ANP32B: variants seen among roughly 807,000 people sequenced by gnomAD.
The protein encoded by ANP32B is acidic leucine-rich nuclear phosphoprotein 32 family member B.
A neutral mutation model predicts 32.2 loss-of-function variants in ANP32B; 6 were observed. That is an observed-to-expected ratio of 0.19 (90% CI 0.10 to 0.37). The LOEUF (loss-of-function observed/expected upper bound fraction) is 0.37, where lower values mean the gene tolerates loss of function less well. Ranked by LOEUF, ANP32B falls within the 10% of genes least tolerant of loss-of-function variation. The probability of loss-of-function intolerance (pLI) is 1.00; values close to 1 mark genes in which losing one functional copy is unlikely to be tolerated. For missense variants in ANP32B, 204 were observed against 289.2 expected (o/e 0.71, Z 2.14); for synonymous variants, 98 against 105.8 (o/e 0.93, Z 0.45).
At chr9:97,983,697 G>T in intron 1 of ANP32B, 88 bp downstream of exon 1, 3 of 1,137,276 alleles carry the variant, frequency 2.6e-6, no homozygotes, top group East Asian at 3.2e-5. Flanking sequence ...AGGGTTCGCC[G>T]GCCCCGGCGC....
intron 3 of ANP32B, among the ~76,000 whole-genome samples, chr9:98,004,010 A>G (rs901440573): frequency 2.6e-5 from 4 of 152,178 alleles, no homozygotes; most frequent in African/African-American, 9.7e-5. Context: ...TGACTTGCCT[A>G]TAGTGTAGTA....
intron 1 of ANP32B, among the ~76,000 whole-genome samples, chr9:97,994,211 C>T (rs2131583849): frequency 6.6e-6 from 1 of 152,304 alleles, no homozygotes; most frequent in East Asian, 1.9e-4. Context: ...AAACATAAAG[C>T]TTTCCTCTTT....
rs190446475 is a variant in ANP32B, at chr9:98,014,300, C to T, written c.689-1064C>T. On this transcript the variant is annotated intron_variant, in intron 6 of 6. Coordinates refer to ENST00000339399, the MANE Select transcript of ANP32B (RefSeq NM_006401.3). ...GCAGGCGCCTGTAGTCCCAGCTACTCGGGAGGCTGAGTCAGGAGAACGGCA... is the reference window on the plus strand; with the variant it reads ...GCAGGCGCCTGTAGTCCCAGCTACTTGGGAGGCTGAGTCAGGAGAACGGCA... Among the ~76,000 whole-genome samples the T allele has an allele frequency of 3.2e-3, 485 of 151,212 alleles. 2 individuals carry two copies. Among genetic ancestry groups the T allele is most frequent in the African/African-American group, 0.011 (461 of 41,236 alleles).
At chr9:97,983,711 G>T (rs2131576603) in intron 1 of ANP32B, 102 bp downstream of exon 1, 1 of 954,058 alleles carries the variant, frequency 1.0e-6, no homozygotes, top group Non-Finnish European at 1.5e-6. Context: ...CCGGCGCGGG[G>T]AAGAGCGCAG....
At chr9:97,991,170 T>C (rs1453621611) in intron 1 of ANP32B, among the ~76,000 whole-genome samples, 2 of 150,952 alleles carry the variant, frequency 1.3e-5, no homozygotes, top group African/African-American at 4.9e-5. Flanking sequence ...AGCTGGAGCA[T>C]AGTGGCATGA....
chr9:97,994,689 C>T lies in ANP32B; in HGVS notation c.113C>T (p.Thr38Ile). 2.5e-6 allele frequency: 4 copies of T among 1,612,428 alleles called. No homozygotes were observed. The highest frequency in any genetic ancestry group is 3.4e-6 in the Non-Finnish European group (4 of 1,179,568). Reference protein sequence around the residue: ...KSNDGKIEGLTAEFVNLEFLS... With the variant: ...KSNDGKIEGLIAEFVNLEFLS... ...AATGATGGAAAAATTGAGGGCTTAA[C>T]AGCTGAATTTGTGAACTTAGAGTTC... Residue 38 changes from threonine to isoleucine, a missense_variant, in exon 2 of 7, where the codon ACA (threonine) becomes ATA (isoleucine). By Grantham distance (89) the Thr-to-Ile change is moderately conservative. Transcript: ENST00000339399.
intron 1 of ANP32B, among the ~76,000 whole-genome samples, chr9:97,992,112 A>G (rs1193123671): frequency 2.0e-5 from 3 of 151,884 alleles, no homozygotes; most frequent in Admixed American, 6.6e-5. Flanking sequence ...TCTTTTTGAG[A>G]TGGAGTCTCC....
At chr9:97,987,948 C>T (rs925674885) in intron 1 of ANP32B, among the ~76,000 whole-genome samples, 9 of 151,872 alleles carry the variant, frequency 5.9e-5, no homozygotes, top group African/African-American at 1.5e-4. Flanking sequence ...AATACATCTT[C>T]GTTTAAGAAA....
At chr9:97,999,244 G>C (rs554141901) in intron 3 of ANP32B, among the ~76,000 whole-genome samples, 3 of 152,156 alleles carry the variant, frequency 2.0e-5, no homozygotes, top group Non-Finnish European at 4.4e-5. Context: ...ATTTTTGGGG[G>C]TATTTTGTTT....
Position 97,983,409 on chromosome 9 carries a change from G to GCACGCCGCCCGCCACCCAGGAC in ANP32B, c.-145_-124dup. ...CTCCGGGGGCTCCGCTCGCCTGCCC[G>GCACGCCGCCCGCCACCCAGGAC]CACGCCGCCCGCCACCCAGGACCGC... On this transcript the variant is annotated 5_prime_UTR_variant, in exon 1 of 7. Coordinates refer to ENST00000339399, the MANE Select transcript of ANP32B (RefSeq NM_006401.3). The GCACGCCGCCCGCCACCCAGGAC allele has an allele frequency of 1.6e-6, 1 of 634,464 alleles. No homozygotes were observed. The highest frequency in any genetic ancestry group is 2.7e-6 in the Non-Finnish European group (1 of 377,318). 39.3% of individuals were successfully genotyped at this position (634,464 alleles called of 1,614,324 possible). A position where few individuals can be genotyped will look rare whatever the true frequency, so the allele number is the denominator to read the frequency against.
At chr9:97,990,968 C>T (rs2131582400) in intron 1 of ANP32B, among the ~76,000 whole-genome samples, 1 of 152,144 alleles carries the variant, frequency 6.6e-6, no homozygotes, top group African/African-American at 2.4e-5. Flanking sequence ...TACAGGTGCA[C>T]ACCACCATGC....
chr9:97,988,173 T>C (rs1389665635), intron 1 of ANP32B, among the ~76,000 whole-genome samples: 1 of 152,154 alleles, frequency 6.6e-6, no homozygotes, highest in Non-Finnish European at 1.5e-5. Context: ...CATCTTTGTG[T>C]GTGTCCTTAT....
intron 3 of ANP32B, among the ~76,000 whole-genome samples, chr9:98,000,253 T>G (rs926145706): frequency 6.6e-6 from 1 of 152,200 alleles, no homozygotes; most frequent in Non-Finnish European, 1.5e-5. Context: ...TGTTTGGGAC[T>G]ACAGGCCTGA....
chr9:97,985,066 GC>G lies in ANP32B; in HGVS notation c.54+1467del, dbSNP rs748980963. On this transcript the variant is annotated intron_variant, in intron 1 of 6. Transcript: ENST00000339399. The stretch of plus-strand genomic sequence containing the variant: ...TTAGCGCGGCTGCCCGCCGTCGCGA[GC>G]CCCCCCCCCGCCGCGGACCGGCGCG... 1.9e-3 allele frequency among the ~76,000 whole-genome samples: 270 copies of G among 140,838 alleles called. 2 individuals carry two copies. Among genetic ancestry groups the G allele is most frequent in the African/African-American group, 4.6e-3 (178 of 38,374 alleles). 92.4% of individuals were successfully genotyped at this position (140,838 alleles called of 152,430 possible).
chr9:98,009,939 A>C (rs1828151311), intron 4 of ANP32B, among the ~76,000 whole-genome samples: 1 of 152,210 alleles, frequency 6.6e-6, no homozygotes, highest in South Asian at 2.1e-4. Flanking sequence ...AAGGTGGTAA[A>C]ATGGACAGAG....
intron 1 of ANP32B, among the ~76,000 whole-genome samples, chr9:97,988,110 T>TC (rs1827767268): frequency 1.3e-5 from 2 of 151,712 alleles, no homozygotes; most frequent in African/African-American, 4.8e-5. Flanking sequence ...ATGCAAATAA[T>TC]CCAAATGCTA....
intron 4 of ANP32B, among the ~76,000 whole-genome samples, chr9:98,006,011 G>A (rs1030762824): frequency 5.9e-5 from 9 of 152,126 alleles, no homozygotes; most frequent in Non-Finnish European, 1.3e-4. Flanking sequence ...TCATAGGAAC[G>A]AGAATCCTAT....
intron 5 of ANP32B, among the ~76,000 whole-genome samples, chr9:98,011,905 C>T (rs967772244): frequency 1.7e-4 from 26 of 152,274 alleles, no homozygotes; most frequent in African/African-American, 6.3e-4. Flanking sequence ...GAAATAAATG[C>T]TATACGAGGG....
At chr9:98,002,287 G>A (rs1828006863) in intron 3 of ANP32B, 1 of 152,142 alleles carries the variant, frequency 6.6e-6, no homozygotes, top group Non-Finnish European at 1.5e-5. Flanking sequence ...GACATTAATC[G>A]AGAGACAAAG....
Sources: gnomAD v4.1 joint callset for allele counts (sites outside exome capture counted in the v4.1 genomes callset) on GRCh38, gnomAD v4.1.1 for gene constraint, MANE v1.5 for transcripts, NCBI Gene and HGNC (gene_info 2026-07-23, HGNC 2026-07-21) for gene names.